The following MROH2B variants were observed in gnomAD, a reference collection of about 807,000 sequenced individuals.
MROH2B encodes the protein maestro heat-like repeat-containing protein family member 2B.
MROH2B carries 177 observed loss-of-function variants against 208.6 expected under a neutral mutation model. The observed-to-expected ratio is 0.85, with a 90% confidence interval of 0.75 to 0.96. The LOEUF (loss-of-function observed/expected upper bound fraction) is 0.96, where lower values mean the gene tolerates loss of function less well. Among genes scored for constraint, MROH2B ranks in the 40% least tolerant of loss-of-function variants. The pLI is 0.00. For synonymous variants in MROH2B, 728 were observed against 659.0 expected, an observed-to-expected ratio of 1.10 and a Z score of -1.60; for missense variants, 2,002 against 1,878.7, an observed-to-expected ratio of 1.07 and a Z score of -1.21.
chr5:41,021,690 C>A (rs1414129474), intron 24 of MROH2B, among the ~76,000 whole-genome samples: 2 of 152,006 alleles, frequency 1.3e-5, no homozygotes, highest in East Asian at 1.9e-4. Context: ...CCAGCCTAGA[C>A]AACATGGCAA....
chr5:41,069,661 G>A, intron 2 of MROH2B, 30 bp downstream of exon 2: 2 of 1,543,362 alleles, frequency 1.3e-6, no homozygotes, highest in Non-Finnish European at 1.8e-6. Context: ...GACTGAAAAA[G>A]GGAAAAAGAT....
At chr5:41,027,923 C>A (rs1160967328) in intron 24 of MROH2B, among the ~76,000 whole-genome samples, 1 of 151,664 alleles carries the variant, frequency 6.6e-6, no homozygotes, top group East Asian at 1.9e-4. Context: ...TCATTCTCAG[C>A]AAACTATTGC....
chr5:41,060,123 C>T (rs1201721576), intron 6 of MROH2B, among the ~76,000 whole-genome samples: 1 of 152,168 alleles, frequency 6.6e-6, no homozygotes, highest in Non-Finnish European at 1.5e-5. Context: ...TTCCTCCATC[C>T]TAATAAGCAT....
intron 37 of MROH2B, among the ~76,000 whole-genome samples, chr5:41,003,638 A>G (rs1455478657): frequency 6.6e-6 from 1 of 152,214 alleles, no homozygotes; most frequent in Admixed American, 6.5e-5. Context: ...AAGACTTCTC[A>G]AGTCTGCAGA....
Position 41,052,359 on chromosome 5 carries a change from T to G in MROH2B, c.1230+106A>C, listed in dbSNP as rs919972281. ...AAATTTATTTATTTATTTTTTACTCTACTCCTGTGACAGATTAAGGATCCT... is the reference window on the plus strand; with the variant it reads ...AAATTTATTTATTTATTTTTTACTCGACTCCTGTGACAGATTAAGGATCCT... On this transcript the variant is annotated intron_variant, in intron 12 of 41. Transcript: ENST00000399564. The G allele has an allele frequency of 9.2e-6, 10 of 1,088,688 alleles. No homozygotes were observed. The African/African-American group carries it at 1.6e-4, about 18-fold the overall frequency. 67.4% of individuals were successfully genotyped at this position (1,088,688 alleles called of 1,614,324 possible). A position where few individuals can be genotyped will look rare whatever the true frequency, so the allele number is the denominator to read the frequency against.
chr5:41,036,300 C>G (rs1164260991), intron 21 of MROH2B, among the ~76,000 whole-genome samples: 1 of 152,046 alleles, frequency 6.6e-6, no homozygotes. Context: ...GTGAATAAGT[C>G]TCATGAGATC....
At chr5:41,025,400 T>C (rs915075796) in intron 24 of MROH2B, among the ~76,000 whole-genome samples, 3 of 151,986 alleles carry the variant, frequency 2.0e-5, no homozygotes, top group East Asian at 1.9e-4. Context: ...GAGAATACTA[T>C]AAACACCTCT....
intron 24 of MROH2B, among the ~76,000 whole-genome samples, chr5:41,028,792 A>AT (rs952937264): frequency 1.2e-4 from 19 of 152,208 alleles, no homozygotes; most frequent in South Asian, 4.1e-4. Flanking sequence ...ATAACTTAAA[A>AT]TTTTTTTAAT....
chr5:41,064,768 G>C (rs956661197), intron 4 of MROH2B, among the ~76,000 whole-genome samples, 198 bp from the exon 5 acceptor site: 4 of 152,130 alleles, frequency 2.6e-5, no homozygotes, highest in African/African-American at 9.7e-5. Flanking sequence ...GGAAGGGCTG[G>C]TTGAAAATAA....
Position 40,998,090 on chromosome 5 carries a change from G to T in MROH2B, c.4720C>A (p.Leu1574Ile). Residue 1574 changes from leucine to isoleucine, a missense_variant, in exon 42 of 42, where the codon CTC (leucine) becomes ATC (isoleucine). Transcript: ENST00000399564. ...CTTGTCTCTTTACACCTTCTCAGGAGGGTTTGCAAAGCAGCCTCAGCTGCT... is the reference window on the plus strand; with the variant it reads ...CTTGTCTCTTTACACCTTCTCAGGATGGTTTGCAAAGCAGCCTCAGCTGCT... ...QRAAEAALQT[L>I]LRRCKETSIP... The T allele has an allele frequency of 6.2e-7, 1 of 1,612,452 alleles. No individual in the cohort carries two copies. Among genetic ancestry groups the T allele is most frequent in the South Asian group, 1.1e-5 (1 of 91,004 alleles).
At chr5:41,036,396 G>A (rs1246121581) in intron 21 of MROH2B, among the ~76,000 whole-genome samples, 1 of 152,076 alleles carries the variant, frequency 6.6e-6, no homozygotes, top group East Asian at 1.9e-4. Flanking sequence ...ACCTTCTGCT[G>A]TGATTGTGAG....
At chr5:41,068,408 ACT>A (rs1743876925) in intron 2 of MROH2B, among the ~76,000 whole-genome samples, 1 of 152,068 alleles carries the variant, frequency 6.6e-6, no homozygotes, top group Admixed American at 6.6e-5. Context: ...ACTGTGCCAG[ACT>A]CATTATCTGG....
intron 12 of MROH2B, among the ~76,000 whole-genome samples, chr5:41,052,230 G>A (rs1743308002): frequency 6.7e-6 from 1 of 148,644 alleles, no homozygotes; most frequent in Non-Finnish European, 1.5e-5. Flanking sequence ...AAAAAGAACT[G>A]AGAAAACTAG....
intron 37 of MROH2B, among the ~76,000 whole-genome samples, chr5:41,003,635 C>T (rs1741477771): frequency 6.6e-6 from 1 of 152,122 alleles, no homozygotes; most frequent in Admixed American, 6.6e-5. Flanking sequence ...ATGAAGACTT[C>T]TCAAGTCTGC....
intron 24 of MROH2B, 124 bp downstream of exon 24, chr5:41,032,618 C>A (rs1459624970): frequency 9.2e-6 from 7 of 758,196 alleles, no homozygotes; most frequent in Non-Finnish European, 1.5e-5. Flanking sequence ...TTGAAGCTCC[C>A]ATTAATGAAC....
intron 18 of MROH2B, among the ~76,000 whole-genome samples, chr5:41,043,734 G>T (rs1157947238): frequency 6.6e-6 from 1 of 152,170 alleles, no homozygotes; most frequent in Admixed American, 6.5e-5. Flanking sequence ...CTTCAATCAA[G>T]AAAGGAGTCT....
At chr5:41,019,131 T>A in intron 24 of MROH2B, 113 bp from the exon 25 acceptor site, 1 of 1,289,074 alleles carries the variant, frequency 7.8e-7, no homozygotes, top group Non-Finnish European at 1.1e-6. Flanking sequence ...CGTGTCACAT[T>A]TTCTGACACG....
intron 11 of MROH2B, among the ~76,000 whole-genome samples, chr5:41,053,685 C>T (rs889594086): frequency 6.6e-6 from 1 of 152,142 alleles, no homozygotes; most frequent in Non-Finnish European, 1.5e-5. Flanking sequence ...GTTGGCCTTC[C>T]TCAAAGATCT....
chr5:41,026,186 C>G (rs985358827), intron 24 of MROH2B, among the ~76,000 whole-genome samples: 80 of 152,130 alleles, frequency 5.3e-4, no homozygotes, highest in Non-Finnish European at 1.0e-3. Flanking sequence ...TTCTGGTCAG[C>G]GCAATCAGGC....
Sources: allele counts gnomAD v4.1 joint callset (sites outside exome capture counted in the v4.1 genomes callset), GRCh38; gene constraint gnomAD v4.1.1; transcripts MANE v1.5; gene names NCBI Gene and HGNC (gene_info 2026-07-23, HGNC 2026-07-21).